Variants in KAT2B observed in about 807,000 individuals in gnomAD.
KAT2B encodes lysine acetyltransferase 2B.
KAT2B carries 36 observed loss-of-function variants against 105.9 expected under a neutral mutation model. That is an observed-to-expected ratio of 0.34 (90% CI 0.26 to 0.45). The LOEUF is 0.45. Ranked by LOEUF, KAT2B falls within the 20% of genes least tolerant of loss-of-function variation. The probability of loss-of-function intolerance (pLI) is 1.00; values close to 1 mark genes in which losing one functional copy is unlikely to be tolerated. For synonymous variants in KAT2B, 397 were observed against 377.9 expected (o/e 1.05, Z -0.59); for missense variants, 820 against 1,021.6 (o/e 0.80, Z 2.69).
intron 1 of KAT2B, among the ~76,000 whole-genome samples, chr3:20,071,358 T>G (rs1479170033): frequency 6.6e-6 from 1 of 152,192 alleles, no homozygotes; most frequent in Non-Finnish European, 1.5e-5. Context: ...TCTTCTGGTT[T>G]CCCAGCCACA....
chr3:20,050,740 G>C (rs1274451487), intron 1 of KAT2B, among the ~76,000 whole-genome samples: 1 of 146,068 alleles, frequency 6.8e-6, no homozygotes, highest in Non-Finnish European at 1.5e-5. Context: ...GTCTCGCTCT[G>C]TCACCCAGAC....
chr3:20,042,927 T>A (rs1246192380), intron 1 of KAT2B, among the ~76,000 whole-genome samples: 1 of 150,554 alleles, frequency 6.6e-6, no homozygotes, highest in Non-Finnish European at 1.5e-5. Context: ...TGAGACAGGG[T>A]CTCACTCTGC....
intron 2 of KAT2B, among the ~76,000 whole-genome samples, chr3:20,077,807 G>A (rs1378357446): frequency 6.6e-6 from 1 of 152,168 alleles, no homozygotes; most frequent in African/African-American, 2.4e-5. Flanking sequence ...CTAACAAAGT[G>A]CTTTAGTTGG....
chr3:20,063,422 A>C (rs1396630246), intron 1 of KAT2B, among the ~76,000 whole-genome samples: 1 of 148,626 alleles, frequency 6.7e-6, no homozygotes, highest in Non-Finnish European at 1.5e-5. Context: ...TTTTCTTTTA[A>C]GAGATTCTTT....
chr3:20,055,980 T>C (rs1230629869), intron 1 of KAT2B, among the ~76,000 whole-genome samples: 2 of 152,234 alleles, frequency 1.3e-5, no homozygotes, highest in Non-Finnish European at 2.9e-5. Flanking sequence ...TTTCTATTTA[T>C]TGCTGAGGAG....
chr3:20,095,348 T>C lies in KAT2B; in HGVS notation c.516T>C (p.Phe172=), dbSNP rs773827860. The change falls in exon 3 of 18, where the codon TTT becomes TTC. Residue 172 remains phenylalanine (F), a synonymous_variant. Coordinates refer to ENST00000263754, the MANE Select transcript of KAT2B (RefSeq NM_003884.5). ...TAGTATTGGATGTGGAATATCTCTT[T>C]ACCTGTGTCCACAAGGAAGAAGATG... is the stretch of plus-strand genomic sequence containing the variant. ...LGIVLDVEYL[F]TCVHKEEDAD... 1.4e-5 allele frequency: 23 copies of C among 1,601,242 alleles called. No individual in the cohort carries two copies. Among genetic ancestry groups the C allele is most frequent in the South Asian group, 1.1e-4 (10 of 90,780 alleles).
At chr3:20,079,056 A>G (rs9784390) in intron 2 of KAT2B, among the ~76,000 whole-genome samples, 40,934 of 147,760 alleles carry the variant, frequency 0.28, 5,694 homozygotes, top group East Asian at 0.48. Context: ...GCTAATTTTT[A>G]TAATTATTAT....
chr3:20,085,979 T>C (rs1205363467), intron 2 of KAT2B, among the ~76,000 whole-genome samples: 2 of 152,134 alleles, frequency 1.3e-5, no homozygotes, highest in Non-Finnish European at 2.9e-5. Context: ...CTTTTAAAAA[T>C]GCTGTTTTGA....
chr3:20,093,658 C>G (rs1698761757), intron 2 of KAT2B, among the ~76,000 whole-genome samples: 1 of 152,166 alleles, frequency 6.6e-6, no homozygotes, highest in African/African-American at 2.4e-5. Context: ...TTTCATCTCC[C>G]TTTAAAAGAA....
chr3:20,061,916 GTA>G (rs1277359522), intron 1 of KAT2B, among the ~76,000 whole-genome samples: 1 of 32,986 alleles, frequency 3.0e-5, no homozygotes, highest in Non-Finnish European at 7.0e-5. Context: ...TATAAAATAT[GTA>G]TTATATATCA....
intron 2 of KAT2B, among the ~76,000 whole-genome samples, chr3:20,093,813 A>G (rs1214941914): frequency 6.6e-6 from 1 of 152,168 alleles, no homozygotes; most frequent in African/African-American, 2.4e-5. Flanking sequence ...GCCTCCTGTT[A>G]TGTGGCAAAC....
chr3:20,139,221 C>CT (rs781490524), intron 12 of KAT2B, among the ~76,000 whole-genome samples: 1,725 of 151,780 alleles, frequency 0.011, 35 homozygotes, highest in African/African-American at 0.038. Flanking sequence ...AGCCAGACTT[C>CT]TTTTTTTTTA....
chr3:20,122,638 A>G (rs750644312), intron 8 of KAT2B, 30 bp from the exon 9 acceptor site: 3 of 1,585,308 alleles, frequency 1.9e-6, no homozygotes, highest in African/African-American at 1.3e-5. Context: ...AGAACCACCC[A>G]TTGTTTGCCT....
chr3:20,128,606 C>T (rs576344888), intron 11 of KAT2B, among the ~76,000 whole-genome samples: 3 of 152,096 alleles, frequency 2.0e-5, no homozygotes, highest in Admixed American at 1.3e-4. Flanking sequence ...CGCAGTCTGG[C>T]GAGAATAAAC....
chr3:20,062,242 T>TG (rs1698139277), intron 1 of KAT2B, among the ~76,000 whole-genome samples: 1 of 37,280 alleles, frequency 2.7e-5, no homozygotes, highest in Non-Finnish European at 4.8e-5. Context: ...ATATAAAATA[T>TG]ATAATATATA....
At chr3:20,071,951 G>A (rs1048298420) in intron 1 of KAT2B, among the ~76,000 whole-genome samples, 3 of 152,178 alleles carry the variant, frequency 2.0e-5, no homozygotes, top group Admixed American at 6.5e-5. Flanking sequence ...CTCAACCTTA[G>A]CCTAGACCTT....
intron 9 of KAT2B, 146 bp from the exon 10 acceptor site, chr3:20,125,757 GTA>G (rs1699391108): frequency 7.8e-6 from 5 of 640,350 alleles, no homozygotes; most frequent in South Asian, 7.5e-5. Flanking sequence ...GTCTCTGTGT[GTA>G]TGTGTGCACA....
chr3:20,063,293 C>T (rs868833818), intron 1 of KAT2B, among the ~76,000 whole-genome samples: 6 of 151,360 alleles, frequency 4.0e-5, no homozygotes, highest in Non-Finnish European at 7.4e-5. Flanking sequence ...TCTTGAACTC[C>T]TGACCTTCCC....
intron 8 of KAT2B, among the ~76,000 whole-genome samples, chr3:20,120,121 A>G (rs1699281303): frequency 6.6e-6 from 1 of 151,976 alleles, no homozygotes; most frequent in Admixed American, 6.6e-5. Flanking sequence ...TACCCGGAAC[A>G]TGTCCTTCTT....
Sources: allele counts gnomAD v4.1 joint callset (sites outside exome capture counted in the v4.1 genomes callset), GRCh38; gene constraint gnomAD v4.1.1; transcripts MANE v1.5; gene names NCBI Gene and HGNC (gene_info 2026-07-23, HGNC 2026-07-21).